The following RIT2 variants were observed in gnomAD, a reference collection of about 807,000 sequenced individuals.
RIT2 encodes the protein GTP-binding protein Rit2.
Under a neutral mutation model 23.7 loss-of-function variants are expected in RIT2, and 24 were observed. That is an observed-to-expected ratio of 1.01 (90% CI 0.73 to 1.43). The LOEUF is 1.43. Ranked by LOEUF, RIT2 falls within the 40% of genes most tolerant of loss-of-function variation. The pLI, the probability that RIT2 is intolerant of heterozygous loss-of-function variation, is 0.00. For missense variants in RIT2, 236 were observed against 266.9 expected (o/e 0.88, Z 0.81); for synonymous variants, 107 against 91.1 (o/e 1.17, Z -0.99).
chr18:42,872,108 TA>T (rs1907635396), intron 4 of RIT2, among the ~76,000 whole-genome samples: 1 of 151,804 alleles, frequency 6.6e-6, no homozygotes, highest in Non-Finnish European at 1.5e-5. Context: ...TTATATTAAG[TA>T]AAAAACAAAA....
In RIT2 at chr18:43,060,536, C is replaced by T. The variant is rs376035635; in HGVS notation, c.104-26669G>A. The stretch of plus-strand genomic sequence containing the variant: ...GCTATGCCTTCACATTATTCCAGAA[C>T]GTATTGGGTCTGGTGTCCATTACCA... On this transcript the variant is annotated intron_variant, in intron 1 of 4. Transcript: ENST00000326695. Among the ~76,000 whole-genome samples the T allele has an allele frequency of 7.0e-4, 107 of 152,190 alleles. No homozygotes were observed. In the Middle Eastern group the frequency reaches 0.017, roughly 24 times the overall value.
In RIT2 at chr18:43,057,518, C is replaced by G. The variant is rs141481295; in HGVS notation, c.104-23651G>C. ...TATGAATCTCATGTTTCAACACATTCCCAATAACACAAACGAACTAGGAAT... is the reference window on the plus strand; with the variant it reads ...TATGAATCTCATGTTTCAACACATTGCCAATAACACAAACGAACTAGGAAT... On this transcript the variant is annotated intron_variant, in intron 1 of 4. Transcript: ENST00000326695. 3.3e-3 allele frequency among the ~76,000 whole-genome samples: 505 copies of G among 152,228 alleles called. 3 individuals are homozygous for G. Among genetic ancestry groups the G allele is most frequent in the African/African-American group, 0.012 (488 of 41,548 alleles).
At position 42,910,041 on chromosome 18, in the gene RIT2, G is replaced by A. The variant is rs527369379; in HGVS notation, c.426+13531C>T. On this transcript the variant is annotated intron_variant, in intron 4 of 4. Transcript: ENST00000326695. ...AAGGTTTTTATACTTAACTTGAAATGGTAACACATTGACACCAGCAGGCAA... is the reference window on the plus strand; with the variant it reads ...AAGGTTTTTATACTTAACTTGAAATAGTAACACATTGACACCAGCAGGCAA... 3.3e-5 allele frequency among the ~76,000 whole-genome samples: 5 copies of A among 152,108 alleles called. No homozygotes were observed. The South Asian group carries it at 8.3e-4, about 25-fold the overall frequency.
chr18:42,877,952 A>G (rs1378632299), intron 4 of RIT2, among the ~76,000 whole-genome samples: 1 of 151,920 alleles, frequency 6.6e-6, no homozygotes, highest in Admixed American at 6.6e-5. Context: ...TTCTGTGTTT[A>G]GACTTCGGTC....
intron 4 of RIT2, among the ~76,000 whole-genome samples, chr18:42,777,135 ATT>A (rs1430700482): frequency 6.6e-6 from 1 of 152,092 alleles, no homozygotes; most frequent in Non-Finnish European, 1.5e-5. Context: ...ATAATGTGCT[ATT>A]TACTGAGATG....
intron 4 of RIT2, among the ~76,000 whole-genome samples, chr18:42,744,230 A>C (rs969329971): frequency 2.6e-5 from 4 of 152,230 alleles, no homozygotes; most frequent in Non-Finnish European, 1.5e-5. Flanking sequence ...GCCCGCCTGC[A>C]CCCAGGTGAT....
intron 3 of RIT2, among the ~76,000 whole-genome samples, chr18:42,971,105 T>G (rs1014199678): frequency 1.3e-5 from 2 of 151,952 alleles, no homozygotes; most frequent in African/African-American, 4.8e-5. Context: ...TCTGTCTACT[T>G]CCTGGATTTG....
chr18:42,912,594 T>C (rs1237190044), intron 4 of RIT2, among the ~76,000 whole-genome samples: 23 of 151,874 alleles, frequency 1.5e-4, no homozygotes, highest in Non-Finnish European at 3.2e-4. Flanking sequence ...AAATACTACA[T>C]GAATACACAA....
chr18:43,023,427 C>T (rs1214522840), intron 2 of RIT2, among the ~76,000 whole-genome samples: 1 of 152,042 alleles, frequency 6.6e-6, no homozygotes, highest in South Asian at 2.1e-4. Flanking sequence ...ATCCTGACAG[C>T]TTTCCATTTC....
chr18:43,064,978 G>T (rs572085291), intron 1 of RIT2, among the ~76,000 whole-genome samples: 1 of 151,648 alleles, frequency 6.6e-6, no homozygotes, highest in Non-Finnish European at 1.5e-5. Flanking sequence ...CACCATGCCC[G>T]GCTAATTTTT....
chr18:43,001,432 G>C (rs1401245078), intron 2 of RIT2, among the ~76,000 whole-genome samples: 1 of 151,942 alleles, frequency 6.6e-6, no homozygotes, highest in Non-Finnish European at 1.5e-5. Context: ...TTCATATATA[G>C]GCCAAAAGAT....
intron 3 of RIT2, among the ~76,000 whole-genome samples, chr18:42,958,821 A>G (rs1425618447): frequency 6.6e-6 from 1 of 152,086 alleles, no homozygotes; most frequent in Admixed American, 6.6e-5. Context: ...ATCTTCCTAC[A>G]TGTATTGTCT....
At chr18:42,790,577 T>G (rs1418236077) in intron 4 of RIT2, among the ~76,000 whole-genome samples, 4 of 152,164 alleles carry the variant, frequency 2.6e-5, no homozygotes, top group African/African-American at 9.7e-5. Flanking sequence ...TTCAGGCGTC[T>G]GCCACCACAC....
chr18:43,056,949 C>T (rs1417735065), intron 1 of RIT2, among the ~76,000 whole-genome samples: 1 of 150,082 alleles, frequency 6.7e-6, no homozygotes, highest in Non-Finnish European at 1.5e-5. Context: ...TAATTATAAT[C>T]ATGGGATTTT....
At chr18:42,861,341 T>C (rs1907322529) in intron 4 of RIT2, among the ~76,000 whole-genome samples, 2 of 152,218 alleles carry the variant, frequency 1.3e-5, no homozygotes, top group Non-Finnish European at 2.9e-5. Flanking sequence ...GAAATATGCT[T>C]GACCTTAGTT....
chr18:42,929,034 G>GAGAGATATATAT (rs1555647353), intron 3 of RIT2, among the ~76,000 whole-genome samples: 18 of 96,944 alleles, frequency 1.9e-4, no homozygotes, highest in East Asian at 9.8e-4. Context: ...AAAATATGGA[G>GAGAGATATATAT]ATATATATAT....
rs1229920197 is a variant in RIT2 at position 42,774,125 on chromosome 18, A to G, written c.427-30405T>C. ...CAAAAAAGATATTTTCACACTTGTA[A>G]AAGTTAAGAAAAGGAAAGCAATTCA... On this transcript the variant is annotated intron_variant, in intron 4 of 4. Coordinates refer to ENST00000326695, the MANE Select transcript of RIT2 (RefSeq NM_002930.4). 2.0e-5 allele frequency among the ~76,000 whole-genome samples: 3 copies of G among 152,228 alleles called. No homozygotes were observed. In the South Asian group the frequency reaches 6.2e-4, roughly 31 times the overall value.
chr18:42,956,622 T>C (rs1416973121), intron 3 of RIT2, among the ~76,000 whole-genome samples: 4 of 152,166 alleles, frequency 2.6e-5, no homozygotes, highest in Non-Finnish European at 4.4e-5. Context: ...AATTGCCTGT[T>C]TTAATTATTT....
At chr18:42,848,834 TG>T (rs1906975756) in intron 4 of RIT2, among the ~76,000 whole-genome samples, 1 of 152,184 alleles carries the variant, frequency 6.6e-6, no homozygotes, top group African/African-American at 2.4e-5. Context: ...GTTTGATGAT[TG>T]AAGCAATGTT....
Sources: gnomAD v4.1 joint callset for allele counts (sites outside exome capture counted in the v4.1 genomes callset) on GRCh38, gnomAD v4.1.1 for gene constraint, MANE v1.5 for transcripts, NCBI Gene and HGNC (gene_info 2026-07-23, HGNC 2026-07-21) for gene names.